The following IL1RAPL1 variants were observed in gnomAD, a reference collection of about 807,000 sequenced individuals.
IL1RAPL1 encodes interleukin 1 receptor accessory protein like 1, also known as interleukin-1 receptor accessory protein-like 1.
A neutral mutation model predicts 48.4 loss-of-function variants in IL1RAPL1; 3 were observed. That is an observed-to-expected ratio of 0.06 (90% CI 0.03 to 0.16). The LOEUF (loss-of-function observed/expected upper bound fraction) is 0.16. IL1RAPL1 is among the 10% of genes least tolerant of loss of function. The pLI is 1.00. For missense variants in IL1RAPL1, 349 were observed against 530.6 expected (o/e 0.66, Z 3.36); for synonymous variants, 185 against 187.7 (o/e 0.99, Z 0.12).
intron 1 of IL1RAPL1, among the ~76,000 whole-genome samples, chrX:28,654,924 A>T (rs745696226): frequency 2.0e-4 from 22 of 111,924 alleles, no homozygotes; most frequent in South Asian, 1.9e-3. Flanking sequence ...AATATTTTTC[A>T]AAATGTATCT....
chrX:29,262,141 T>C (rs751145259), intron 2 of IL1RAPL1, among the ~76,000 whole-genome samples: 17 of 111,982 alleles, frequency 1.5e-4, no homozygotes, highest in Non-Finnish European at 3.0e-4. Flanking sequence ...CTACCGTGAA[T>C]AAACCAAATT....
rs190115238 is a variant in IL1RAPL1, at chrX:29,536,367, G to A, written c.704-132063G>A. Among the ~76,000 whole-genome samples, 90 of 111,600 alleles carry A rather than the reference G, an allele frequency of 8.1e-4. No individual in the cohort carries two copies. In the East Asian group the frequency reaches 0.022, roughly 27 times the overall value. On this transcript the variant is annotated intron_variant, in intron 5 of 10. Transcript: ENST00000378993. The stretch of plus-strand genomic sequence containing the variant: ...ATAGCTTCATTAGTATTTTTCAGGC[G>A]AAAAGAAGTAACAAAATGAAAAAGA...
chrX:29,774,486 C>G (rs1193792239), intron 6 of IL1RAPL1, among the ~76,000 whole-genome samples: 1 of 112,122 alleles, frequency 8.9e-6, no homozygotes, highest in Non-Finnish European at 1.9e-5. Flanking sequence ...ATAATGAACA[C>G]TTTAAAATAT....
chrX:28,996,324 T>C (rs1298610996), intron 2 of IL1RAPL1, among the ~76,000 whole-genome samples: 1 of 111,884 alleles, frequency 8.9e-6, no homozygotes, highest in Non-Finnish European at 1.9e-5. Flanking sequence ...CATCGTCCAT[T>C]ATATGGATTT....
At chrX:29,712,829 T>C (rs1244277670) in intron 6 of IL1RAPL1, among the ~76,000 whole-genome samples, 1 of 111,866 alleles carries the variant, frequency 8.9e-6, no homozygotes, top group Non-Finnish European at 1.9e-5. Flanking sequence ...CACATGAAAA[T>C]GGATTGAAGG....
chrX:28,973,834 A>G (rs1053530706), intron 2 of IL1RAPL1, among the ~76,000 whole-genome samples: 2 of 112,013 alleles, frequency 1.8e-5, no homozygotes, highest in African/African-American at 6.5e-5. Context: ...TCATTCATTT[A>G]AAACCTATTT....
intron 6 of IL1RAPL1, among the ~76,000 whole-genome samples, chrX:29,866,231 C>T (rs1210753358): frequency 1.8e-5 from 2 of 111,465 alleles, no homozygotes; most frequent in Admixed American, 1.9e-4. Flanking sequence ...GTCATTCATT[C>T]ATTCAACAAA....
chrX:29,486,181 C>T (rs1158089706), intron 5 of IL1RAPL1, among the ~76,000 whole-genome samples: 3 of 110,683 alleles, frequency 2.7e-5, no homozygotes, highest in Non-Finnish European at 3.8e-5. Flanking sequence ...TATGAGAATG[C>T]CCTGGAAAGC....
At chrX:29,824,403 T>G (rs1363802548) in intron 6 of IL1RAPL1, among the ~76,000 whole-genome samples, 2 of 111,990 alleles carry the variant, frequency 1.8e-5, no homozygotes, top group Non-Finnish European at 3.8e-5. Flanking sequence ...CATTGAGAGC[T>G]GCAGTTTCAT....
chrX:29,045,495 T>A (rs1343284114), intron 2 of IL1RAPL1, among the ~76,000 whole-genome samples: 2 of 112,099 alleles, frequency 1.8e-5, no homozygotes, highest in East Asian at 5.6e-4. Context: ...AGACATAATC[T>A]TGCTCTGTCA....
rs1446918286 is a variant in IL1RAPL1 at position 29,106,427 on chromosome X, G to T, written c.83-176511G>T. On this transcript the variant is annotated intron_variant, in intron 2 of 10. Coordinates refer to ENST00000378993, the MANE Select transcript of IL1RAPL1 (RefSeq NM_014271.4). ...TTACATCCCGTTCTACAAGGACTCA[G>T]TGGGATTCTAAAAAAAAAATTATTT... 3.6e-5 allele frequency among the ~76,000 whole-genome samples: 4 copies of T among 110,384 alleles called. No individual in the cohort carries two copies. In the East Asian group the frequency reaches 1.1e-3, roughly 31 times the overall value.
intron 6 of IL1RAPL1, among the ~76,000 whole-genome samples, chrX:29,703,304 A>G (rs1318234166): frequency 9.0e-6 from 1 of 111,085 alleles, no homozygotes; most frequent in Non-Finnish European, 1.9e-5. Flanking sequence ...GTTCTTGCAC[A>G]TGGAATATAT....
At chrX:29,262,553 C>G (rs1413678013) in intron 2 of IL1RAPL1, among the ~76,000 whole-genome samples, 2 of 110,092 alleles carry the variant, frequency 1.8e-5, no homozygotes, top group African/African-American at 6.6e-5. Context: ...ATCCTAGCTA[C>G]TCGGGAGGCT....
intron 6 of IL1RAPL1, among the ~76,000 whole-genome samples, chrX:29,713,922 T>C (rs964506754): frequency 1.8e-5 from 2 of 112,193 alleles, no homozygotes; most frequent in Non-Finnish European, 3.8e-5. Context: ...TTTAAAATGA[T>C]AGAACTAGGT....
chrX:28,771,419 TA>T (rs1936305592), intron 1 of IL1RAPL1, among the ~76,000 whole-genome samples: 1 of 112,300 alleles, frequency 8.9e-6, no homozygotes, highest in Admixed American at 9.4e-5. Flanking sequence ...GCTGCTAGAA[TA>T]TATTAGTTGC....
At chrX:28,816,305 G>A (rs1470148702) in intron 2 of IL1RAPL1, among the ~76,000 whole-genome samples, 2 of 109,802 alleles carry the variant, frequency 1.8e-5, no homozygotes, top group African/African-American at 3.3e-5. Flanking sequence ...TGGGTATATT[G>A]TATGATGCTA....
At chrX:29,699,080 A>G (rs760810142) in intron 6 of IL1RAPL1, among the ~76,000 whole-genome samples, 5 of 112,480 alleles carry the variant, frequency 4.4e-5, no homozygotes, top group Non-Finnish European at 9.4e-5. Context: ...AAATTAATTC[A>G]TCTTTTTTAA....
intron 2 of IL1RAPL1, among the ~76,000 whole-genome samples, chrX:28,920,548 T>C (rs1317578365): frequency 1.8e-5 from 2 of 111,873 alleles, no homozygotes; most frequent in East Asian, 2.8e-4. Flanking sequence ...CCTAGTAGAT[T>C]TGCAGCTTTT....
At chrX:29,769,322 A>G (rs1173505284) in intron 6 of IL1RAPL1, among the ~76,000 whole-genome samples, 1 of 107,751 alleles carries the variant, frequency 9.3e-6, no homozygotes, top group Non-Finnish European at 1.9e-5. Flanking sequence ...TAATGCTGCT[A>G]TGAAAATTCA....
Sources: gnomAD v4.1 joint callset for allele counts (sites outside exome capture counted in the v4.1 genomes callset) on GRCh38, gnomAD v4.1.1 for gene constraint, MANE v1.5 for transcripts, NCBI Gene and HGNC (gene_info 2026-07-23, HGNC 2026-07-21) for gene names.